The following GPR50 variants were observed in gnomAD, a reference collection of about 807,000 sequenced individuals.
The protein encoded by GPR50 is melatonin-related receptor.
In GPR50, 1 loss-of-function variant was observed where a neutral mutation model predicts 2.6. The ratio of observed to expected loss-of-function variants is 0.38; its 90% CI spans 0.13 to 1.79. The LOEUF (loss-of-function observed/expected upper bound fraction) is 1.79, where lower values mean the gene tolerates loss of function less well. Among genes scored for constraint, GPR50 ranks in the 40% most tolerant of loss-of-function variants. The pLI is 0.33. For missense variants in GPR50, 535 were observed against 522.1 expected, an observed-to-expected ratio of 1.02 and a Z score of -0.24; for synonymous variants, 233 against 202.3, an observed-to-expected ratio of 1.15 and a Z score of -1.29.
rs2048682665 is a variant in GPR50, at chrX:151,176,870, T to G, written c.149T>G (p.Ile50Ser). ...GACCTAATCGGCAACTCCATGGTCA[T>G]TTTGGCTGTGACGAAGAACAAGAAG... Reference protein sequence around the residue: ...VVDLIGNSMVILAVTKNKKLR... With the variant: ...VVDLIGNSMVSLAVTKNKKLR... Residue 50 changes from isoleucine (I) to serine (S), a missense_variant, in exon 1 of 2, where the codon ATT (isoleucine) becomes AGT (serine). Physicochemically the swap from Ile to Ser is moderately radical, Grantham distance 142. Coordinates refer to ENST00000218316, the MANE Select transcript of GPR50 (RefSeq NM_004224.3). 5.0e-6 allele frequency: 6 copies of G among 1,205,281 alleles called. No individual in the cohort carries two copies. The highest frequency in any genetic ancestry group is 2.2e-5 in the Admixed American group (1 of 45,528).
Position 151,181,161 on chromosome X carries a change from C to T in GPR50, c.1578C>T (p.Thr526=), listed in dbSNP as rs757933443. 4.1e-6 allele frequency: 5 copies of T among 1,210,719 alleles called. No individual in the cohort carries two copies. The South Asian group carries it at 8.8e-5, about 21-fold the overall frequency. Residue 526 remains threonine (T), a synonymous_variant, in exon 2 of 2, where the codon ACC becomes ACT. Transcript: ENST00000218316. ...TTADYPKPAT[T]SHPKPTAADN... ...CTGACTATCCCAAGCCTGCCACTACCAGCCACCCTAAGCCCACTGCTGCTG... is the reference window on the plus strand; with the variant it reads ...CTGACTATCCCAAGCCTGCCACTACTAGCCACCCTAAGCCCACTGCTGCTG...
At position 151,176,586 on chromosome X, in the gene GPR50, T is replaced by C. The variant is rs1180092661; in HGVS notation, c.-136T>C. The C allele has an allele frequency of 6.9e-6, 3 of 434,769 alleles. No homozygotes were observed. Among genetic ancestry groups the C allele is most frequent in the Non-Finnish European group, 1.2e-5 (3 of 253,227 alleles). 35.8% of individuals were successfully genotyped at this position (434,769 alleles called of 1,213,427 possible). On this transcript the variant is annotated 5_prime_UTR_variant, in exon 1 of 2. Transcript: ENST00000218316. ...AGCTCATCGGAGAGGGGCGGGATGC[T>C]GTCATTTGCTCTCTGACTCTCAGAG... is the stretch of plus-strand genomic sequence containing the variant.
intron 1 of GPR50, among the ~76,000 whole-genome samples, chrX:151,178,309 G>C (rs2048692863): frequency 8.9e-6 from 1 of 112,479 alleles, no homozygotes; most frequent in Non-Finnish European, 1.9e-5. Context: ...AGTCTGGTGG[G>C]TGTCTCCGAT....
chrX:151,181,079 C>T lies in GPR50; in HGVS notation c.1496C>T (p.Pro499Leu), dbSNP rs1410742879. 1 of 1,174,683 alleles carries T rather than the reference C, an allele frequency of 8.5e-7. No homozygotes were observed. The highest frequency in any genetic ancestry group is 2.4e-5 in the Admixed American group (1 of 41,746). ...KSAFSAATSH[P>L]KPTTGHIKPA... ...GCCTTCAGTGCTGCCACCAGCCACC[C>T]TAAACCCACCACTGGCCACATCAAG... The change falls in exon 2 of 2, where the codon CCT (proline) becomes CTT (leucine). Residue 499 changes from proline to leucine, a missense_variant. Physicochemically the swap from Pro to Leu is moderately conservative, Grantham distance 98 (BLOSUM62 -3). Transcript: ENST00000218316.
At chrX:151,182,261 G>C (rs1034207260), downstream of GPR50, 4 of 111,219 alleles carry the variant, frequency 3.6e-5, no homozygotes, top group Admixed American at 9.6e-5. Flanking sequence ...TTTAGTTCCA[G>C]AGAAATAAAT....
chrX:151,180,992 C>T lies in GPR50; in HGVS notation c.1409C>T (p.Ala470Val), dbSNP rs2048710576. 1 of 1,211,302 alleles carries T rather than the reference C, an allele frequency of 8.3e-7. No individual in the cohort carries two copies. The highest frequency in any genetic ancestry group is 1.8e-5 in the South Asian group (1 of 56,961). The change falls in exon 2 of 2, where the codon GCT becomes GTT. Residue 470 changes from alanine (A) to valine (V), a missense_variant. Coordinates refer to ENST00000218316, the MANE Select transcript of GPR50 (RefSeq NM_004224.3). Reference protein sequence around the residue: ...FKPDSVHFKPASSNPKPITGH... With the variant: ...FKPDSVHFKPVSSNPKPITGH... ...CCTGACTCTGTTCATTTCAAGCCTG[C>T]TTCCAGCAACCCCAAGCCCATCACT...
chrX:151,176,744 C>T lies in GPR50; in HGVS notation c.23C>T (p.Pro8Leu). The T allele has an allele frequency of 8.4e-7, 1 of 1,194,320 alleles. No individual in the cohort carries two copies. The highest frequency in any genetic ancestry group is 1.1e-6 in the Non-Finnish European group (1 of 886,464). MGPTLAV[P>L]TPYGCIGCKL... Reference sequence around the variant, plus strand: ...AACATGGGGCCCACCCTAGCGGTTCCCACCCCCTATGGCTGTATTGGCTGT... The same window carrying T: ...AACATGGGGCCCACCCTAGCGGTTCTCACCCCCTATGGCTGTATTGGCTGT... The change falls in exon 1 of 2, where the codon CCC (proline) becomes CTC (leucine). Residue 8 changes from proline to leucine, a missense_variant. Coordinates refer to ENST00000218316, the MANE Select transcript of GPR50 (RefSeq NM_004224.3).
In GPR50 at chrX:151,180,511, C is replaced by T. The variant is rs768981366; in HGVS notation, c.928C>T (p.His310Tyr). The T allele has an allele frequency of 2.5e-6, 3 of 1,209,400 alleles. No individual in the cohort carries two copies. The East Asian group carries it at 8.9e-5, about 36-fold the overall frequency. ...NFRREYWTIF[H>Y]AMRHPIIFFS... ...CCGAAGAGAATACTGGACCATCTTC[C>T]ATGCTATGCGGCACCCTATCATATT... The change falls in exon 2 of 2, where the codon CAT (histidine) becomes TAT (tyrosine). Residue 310 changes from histidine to tyrosine, a missense_variant. By Grantham distance (83) the His-to-Tyr change is moderately conservative (BLOSUM62 2). Coordinates refer to ENST00000218316, the MANE Select transcript of GPR50 (RefSeq NM_004224.3).
chrX:151,177,254 C>A, intron 1 of GPR50: 1 of 156,359 alleles, frequency 6.4e-6, no homozygotes, highest in Non-Finnish European at 1.2e-5. Flanking sequence ...GACAGCAAGC[C>A]GAGCCGGACG....
rs2048702351 is a variant in GPR50, at chrX:151,180,029, TG to T, written c.448del (p.Val150SerfsTer6). On this transcript the variant is annotated frameshift_variant, in exon 2 of 2. Coordinates refer to ENST00000218316, the MANE Select transcript of GPR50 (RefSeq NM_004224.3). LOFTEE classifies it low-confidence loss of function (END_TRUNC). ...IFSVRNTCIY[L>X]VITWIMTVLA... The stretch of plus-strand genomic sequence containing the variant: ...AGTGTGCGCAATACCTGCATCTACC[TG>T]GTCATCACCTGGATCATGACCGTCC... The T allele has an allele frequency of 8.3e-7, 1 of 1,209,355 alleles. No individual in the cohort carries two copies. The highest frequency in any genetic ancestry group is 1.8e-5 in the African/African-American group (1 of 57,130).
In GPR50 at chrX:151,180,572, A is replaced by C. The variant is rs199826607; in HGVS notation, c.989A>C (p.Gln330Pro). 148 of 1,208,781 alleles carry C rather than the reference A, an allele frequency of 1.2e-4. No individual in the cohort carries two copies. The highest frequency in any genetic ancestry group is 1.6e-4 in the Non-Finnish European group (146 of 894,544). The change falls in exon 2 of 2, where the codon CAG (glutamine) becomes CCG (proline). Residue 330 changes from glutamine (Q) to proline (P), a missense_variant. Transcript: ENST00000218316. ...CTCATCAGTGATATTCGTGAGATGCAGGAGGCCCGTACCCTGGCCCGCGCC... is the reference window on the plus strand; with the variant it reads ...CTCATCAGTGATATTCGTGAGATGCCGGAGGCCCGTACCCTGGCCCGCGCC... ...SGLISDIREM[Q>P]EARTLARARA...
rs1436476672 is a variant in GPR50 at position 151,181,366 on chromosome X, A to G, written c.1783A>G (p.Thr595Ala). 3 of 1,193,703 alleles carry G rather than the reference A, an allele frequency of 2.5e-6. No individual in the cohort carries two copies. The highest frequency in any genetic ancestry group is 2.2e-5 in the Admixed American group (1 of 45,852). The change falls in exon 2 of 2, where the codon ACC (threonine) becomes GCC (alanine). Residue 595 changes from threonine to alanine, a missense_variant. Transcript: ENST00000218316. ...ADLPDPTVVTTSTNDYHDVVV... is the reference protein window; with the variant it reads ...ADLPDPTVVTASTNDYHDVVV... ...CCTTCCTGACCCTACTGTAGTCACT[A>G]CCAGTACCAATGATTACCATGATGT...
Position 151,176,883 on chromosome X carries a change from G to A in GPR50, c.162G>A (p.Thr54=), listed in dbSNP as rs746376723. Residue 54 remains threonine, a synonymous_variant, in exon 1 of 2, where the codon ACG becomes ACA. Coordinates refer to ENST00000218316, the MANE Select transcript of GPR50 (RefSeq NM_004224.3). ...IGNSMVILAV[T]KNKKLRNSGN... is the part of the protein sequence containing the mutation. ...ACTCCATGGTCATTTTGGCTGTGAC[G>A]AAGAACAAGAAGCTCCGGAATTCTG... The A allele has an allele frequency of 8.3e-7, 1 of 1,203,776 alleles. No homozygotes were observed. Among genetic ancestry groups the A allele is most frequent in the Non-Finnish European group, 1.1e-6 (1 of 890,254 alleles).
intron 1 of GPR50, 150 bp downstream of exon 1, chrX:151,177,058 T>G (rs2048683963): frequency 2.2e-6 from 1 of 447,136 alleles, no homozygotes. Context: ...CTGGGGGTGG[T>G]AGTATTCTGT....
chrX:151,180,848 C>G lies in GPR50; in HGVS notation c.1265C>G (p.Ser422Cys). ...GCCTCTGGTCACCTCAAGCCTGTCT[C>G]TGGCCACTCCAAGCCTGCCTCTGGT... ...KAASGHLKPV[S>C]GHSKPASGHP... The change falls in exon 2 of 2, where the codon TCT (serine) becomes TGT (cysteine). Residue 422 changes from serine to cysteine, a missense_variant. Ser to Cys is a moderately radical substitution (Grantham distance 112). Transcript: ENST00000218316. The G allele has an allele frequency of 8.3e-7, 1 of 1,211,060 alleles. No homozygotes were observed. Among genetic ancestry groups the G allele is most frequent in the Non-Finnish European group, 1.1e-6 (1 of 895,002 alleles).
At chrX:151,177,076 C>G (rs1312602942) in intron 1 of GPR50, among the ~76,000 whole-genome samples, 168 bp downstream of exon 1, 1 of 112,273 alleles carries the variant, frequency 8.9e-6, no homozygotes, top group Non-Finnish European at 1.9e-5. Flanking sequence ...TGTCCCGGCC[C>G]TCTAAACGTG....
intron 1 of GPR50, 31 bp downstream of exon 1, chrX:151,176,939 G>A (rs2048683215): frequency 1.8e-6 from 2 of 1,084,070 alleles, no homozygotes; most frequent in Admixed American, 4.6e-5. Context: ...CCTACCCAGT[G>A]TGCAGAGACT....
downstream of GPR50, chrX:151,182,729 T>A (rs1029644256): frequency 4.4e-5 from 5 of 112,901 alleles, no homozygotes; most frequent in Non-Finnish European, 9.4e-5. Flanking sequence ...AATTGCTGAT[T>A]CAAATAGACA....
Position 151,179,877 on chromosome X carries a change from G to C in GPR50, c.294G>C (p.Gln98His), listed in dbSNP as rs1440804421. The C allele has an allele frequency of 8.3e-7, 1 of 1,211,107 alleles. No individual in the cohort carries two copies. The highest frequency in any genetic ancestry group is 1.8e-5 in the South Asian group (1 of 56,918). ...AMSIGGWDLS[Q>H]LQCQMVGFIT... The stretch of plus-strand genomic sequence containing the variant: ...CCATTGGGGGCTGGGATCTGAGCCA[G>C]TTACAGTGCCAGATGGTCGGGTTCA... The change falls in exon 2 of 2, where the codon CAG (glutamine) becomes CAC (histidine). Residue 98 changes from glutamine (Q) to histidine (H), a missense_variant. Gln to His is a conservative substitution (Grantham distance 24). Coordinates refer to ENST00000218316, the MANE Select transcript of GPR50 (RefSeq NM_004224.3).
Sources: allele counts gnomAD v4.1 joint callset (sites outside exome capture counted in the v4.1 genomes callset), GRCh38; gene constraint gnomAD v4.1.1; transcripts MANE v1.5; gene names NCBI Gene and HGNC (gene_info 2026-07-23, HGNC 2026-07-21).